Variants in RNF144B observed in about 807,000 individuals in gnomAD.
RNF144B encodes ring finger protein 144B, also known as E3 ubiquitin-protein ligase RNF144B.
A neutral mutation model predicts 40.2 loss-of-function variants in RNF144B; 25 were observed. That is an observed-to-expected ratio of 0.62 (90% CI 0.45 to 0.87). The LOEUF is 0.87. Among genes scored for constraint, RNF144B ranks in the 40% least tolerant of loss-of-function variants. RNF144B has a pLI of 0.00. For missense variants in RNF144B, 365 were observed against 373.7 expected (o/e 0.98, Z 0.19); for synonymous variants, 145 against 136.3 (o/e 1.06, Z -0.44).
chr6:18,428,674 G>A (rs894826403), intron 3 of RNF144B, among the ~76,000 whole-genome samples: 5 of 152,030 alleles, frequency 3.3e-5, no homozygotes, highest in African/African-American at 1.2e-4. Flanking sequence ...AGCAAACACA[G>A]AACACCTGCT....
In RNF144B at chr6:18,389,025, A is replaced by T. The variant is rs1284591309; in HGVS notation, c.-37+1395A>T. On this transcript the variant is annotated intron_variant, in intron 1 of 7. Transcript: ENST00000259939. ...CCAAAAAAACCCCCCAAAACCCCAA[A>T]CAATCACCCTAGATAACTTTCTCCT... 2.0e-5 allele frequency among the ~76,000 whole-genome samples: 3 copies of T among 152,100 alleles called. No homozygotes were observed. The East Asian group carries it at 5.8e-4, about 29-fold the overall frequency.
chr6:18,389,680 C>G (rs1324081), intron 1 of RNF144B, among the ~76,000 whole-genome samples: 133,337 of 152,160 alleles, frequency 0.88, 58,548 homozygotes, highest in East Asian at 1. Context: ...CCAGATGTTA[C>G]TGAAGGAACA....
In RNF144B at chr6:18,411,654, C is replaced by T. The variant is rs1247912026; in HGVS notation, c.165+11955C>T. Among the ~76,000 whole-genome samples, 7 of 151,194 alleles carry T rather than the reference C, an allele frequency of 4.6e-5. No homozygotes were observed. The East Asian group carries it at 1.4e-3, about 29-fold the overall frequency. ...AAGTAGCTGGGATTACAAACATGCG[C>T]CACCGCACCCAACTAATTTTTGTAT... On this transcript the variant is annotated intron_variant, in intron 2 of 7. Transcript: ENST00000259939.
chr6:18,401,059 T>C (rs1361038158), intron 2 of RNF144B, among the ~76,000 whole-genome samples: 2 of 152,244 alleles, frequency 1.3e-5, no homozygotes, highest in Non-Finnish European at 2.9e-5. Flanking sequence ...AGACCCTTGC[T>C]AATCCTTGAA....
intron 6 of RNF144B, among the ~76,000 whole-genome samples, chr6:18,462,750 G>T (rs538094910): frequency 2.0e-5 from 3 of 151,504 alleles, no homozygotes; most frequent in African/African-American, 7.3e-5. Context: ...CAAGTTCAAC[G>T]TGTCCAAACT....
rs1554172614 is a variant in RNF144B, at chr6:18,405,150, T to TTTTTTATTATTA, written c.165+5453_165+5454insTTTATTATTATT. On this transcript the variant is annotated intron_variant, in intron 2 of 7. Coordinates refer to ENST00000259939, the MANE Select transcript of RNF144B (RefSeq NM_182757.4). The surrounding 1 kb of genome is among the most constrained non-coding windows in gnomAD (Gnocchi z 4.5). ...CTTGCTTGCAAGGTTAGTTTTTTTC[T>TTTTTTATTATTA]TTATTATTATTATTATTATTATTAT... 1.4e-5 allele frequency among the ~76,000 whole-genome samples: 2 copies of TTTTTTATTATTA among 146,232 alleles called. No homozygotes were observed. Among genetic ancestry groups the TTTTTTATTATTA allele is most frequent in the African/African-American group, 2.5e-5 (1 of 39,786 alleles).
intron 2 of RNF144B, among the ~76,000 whole-genome samples, chr6:18,409,665 G>T (rs756580649): frequency 2.7e-5 from 4 of 149,232 alleles, no homozygotes; most frequent in African/African-American, 9.9e-5. Context: ...CCGCCTCCTG[G>T]GTTCACGCAG....
intron 2 of RNF144B, among the ~76,000 whole-genome samples, chr6:18,417,864 G>T (rs1262722918): frequency 6.6e-6 from 1 of 152,094 alleles, no homozygotes; most frequent in Non-Finnish European, 1.5e-5. Flanking sequence ...AATATATAAA[G>T]AATTCTTACA....
intron 2 of RNF144B, among the ~76,000 whole-genome samples, chr6:18,417,714 A>C (rs1431072205): frequency 1.3e-5 from 2 of 152,188 alleles, no homozygotes; most frequent in Non-Finnish European, 2.9e-5. Context: ...CATAAGCGAC[A>C]AAAGAAAAAG....
chr6:18,394,338 A>C (rs898675622), intron 1 of RNF144B, among the ~76,000 whole-genome samples: 1 of 152,160 alleles, frequency 6.6e-6, no homozygotes, highest in Non-Finnish European at 1.5e-5. Context: ...GGTGGCTTAC[A>C]CCTGTAATCC....
intron 1 of RNF144B, among the ~76,000 whole-genome samples, chr6:18,391,563 G>A (rs1794580727): frequency 1.3e-5 from 2 of 152,184 alleles, no homozygotes; most frequent in African/African-American, 4.8e-5. Flanking sequence ...AAGAAGGCAA[G>A]AAGAAATGTG....
rs1308066863 is a variant in RNF144B at position 18,443,165 on chromosome 6, C to G, written c.331+3421C>G. Among the ~76,000 whole-genome samples, 1 of 152,162 alleles carries G rather than the reference C, an allele frequency of 6.6e-6. No homozygotes were observed. The highest frequency in any genetic ancestry group is 1.9e-4 in the East Asian group (1 of 5,202). On this transcript the variant is annotated intron_variant, in intron 4 of 7. Transcript: ENST00000259939. The surrounding 1 kb of genome is among the most constrained non-coding windows in gnomAD (Gnocchi z 4.7). ...GACATCTTACTGTCATAAAGTATTG[C>G]AGTGTATTAAATTTAGTGGCCTTTT...
At chr6:18,394,466 T>A (rs1794651451) in intron 1 of RNF144B, among the ~76,000 whole-genome samples, 2 of 152,018 alleles carry the variant, frequency 1.3e-5, no homozygotes, top group African/African-American at 4.8e-5. Flanking sequence ...GGCGTGGTGG[T>A]GGGCACCTGA....
Position 18,410,121 on chromosome 6 carries a change from C to T in RNF144B, c.165+10422C>T, listed in dbSNP as rs572502990. On this transcript the variant is annotated intron_variant, in intron 2 of 7. Coordinates refer to ENST00000259939, the MANE Select transcript of RNF144B (RefSeq NM_182757.4). The surrounding 1 kb of genome is among the most constrained non-coding windows in gnomAD (Gnocchi z 4.6). ...GGCTGGCCAAACATGCAAATCATGA[C>T]CAGAGAGCAGGCAAAAGTTGGTTTC... 1.3e-5 allele frequency among the ~76,000 whole-genome samples: 2 copies of T among 152,272 alleles called. No individual in the cohort carries two copies. The highest frequency in any genetic ancestry group is 2.1e-4 in the South Asian group (1 of 4,814).
intron 2 of RNF144B, 39 bp from the exon 3 acceptor site, chr6:18,427,542 A>C: frequency 7.1e-7 from 1 of 1,414,216 alleles, no homozygotes; most frequent in Non-Finnish European, 1.0e-6. Context: ...CTGCTACTGT[A>C]ATGGAATGGG....
In RNF144B at chr6:18,463,334, A is replaced by G. The variant is rs781750328; in HGVS notation, c.725A>G (p.Asn242Ser). Residue 242 changes from asparagine (N) to serine (S), a missense_variant, in exon 7 of 8, where the codon AAT becomes AGT. Asn to Ser is a conservative substitution (Grantham distance 46). Coordinates refer to ENST00000259939, the MANE Select transcript of RNF144B (RefSeq NM_182757.4). ...LRHYDKGPCR[N>S]KLGHSRASVM... ...CATTATGACAAAGGGCCATGCAGGAATAAACTTGGCCACTCAAGAGCATCA... is the reference window on the plus strand; with the variant it reads ...CATTATGACAAAGGGCCATGCAGGAGTAAACTTGGCCACTCAAGAGCATCA... 1.9e-5 allele frequency: 31 copies of G among 1,611,784 alleles called. No homozygotes were observed. Among genetic ancestry groups the G allele is most frequent in the Non-Finnish European group, 1.7e-6 (2 of 1,177,962 alleles).
intron 2 of RNF144B, among the ~76,000 whole-genome samples, chr6:18,403,918 G>A (rs951855622): frequency 1.5e-4 from 23 of 152,082 alleles, no homozygotes; most frequent in African/African-American, 5.6e-4. Flanking sequence ...ACTCACTCTG[G>A]CAGGAACTAT....
Position 18,465,939 on chromosome 6 carries a change from A to G in RNF144B, c.*872A>G, listed in dbSNP as rs1212271584. 1 of 152,244 alleles carries G rather than the reference A, an allele frequency of 6.6e-6. No individual in the cohort carries two copies. Among genetic ancestry groups the G allele is most frequent in the Non-Finnish European group, 1.5e-5 (1 of 68,040 alleles). The allele number at this position is 152,244 out of a possible 1,614,324, so 9.4% of individuals were successfully genotyped here. ...TCTCAGGATCTGTGTTCACACAGCC[A>G]ATAGATTTGGAATCAGGCCTAAGAG... On this transcript the variant is annotated 3_prime_UTR_variant, in exon 8 of 8. Coordinates refer to ENST00000259939, the MANE Select transcript of RNF144B (RefSeq NM_182757.4).
chr6:18,451,066 C>T (rs574545032), intron 4 of RNF144B, among the ~76,000 whole-genome samples: 2 of 152,268 alleles, frequency 1.3e-5, no homozygotes, highest in South Asian at 2.1e-4. Flanking sequence ...ATATTTCTTA[C>T]CTCTACCCCA....
Sources: allele counts gnomAD v4.1 joint callset (sites outside exome capture counted in the v4.1 genomes callset), GRCh38; gene constraint gnomAD v4.1.1; non-coding constraint Gnocchi (gnomAD v3.1); transcripts MANE v1.5; gene names NCBI Gene and HGNC (gene_info 2026-07-23, HGNC 2026-07-21).